Variants in OTX1 observed in about 807,000 individuals in gnomAD.
The protein encoded by OTX1 is orthodenticle homeobox 1, also known as homeobox protein OTX1.
Under a neutral mutation model 26.7 loss-of-function variants are expected in OTX1, and 7 were observed. The ratio of observed to expected loss-of-function variants is 0.26; its 90% CI spans 0.15 to 0.49. The LOEUF is 0.49. OTX1 is among the 20% of genes least tolerant of loss of function. The pLI is 0.98. For synonymous variants in OTX1, 216 were observed against 212.8 expected (o/e 1.01, Z -0.13); for missense variants, 414 against 483.8 (o/e 0.86, Z 1.35).
chr2:63,054,333 G>A (rs2062048538), intron 4 of OTX1, 135 bp downstream of exon 4: 1 of 846,528 alleles, frequency 1.2e-6, no homozygotes. Context: ...GCCGCTCTCG[G>A]ACTCCCCCTA....
Position 63,056,307 on chromosome 2 carries a change from G to T in OTX1, c.1056G>T (p.Gln352His). 6.2e-7 allele frequency: 1 copy of T among 1,610,466 alleles called. No homozygotes were observed. The highest frequency in any genetic ancestry group is 8.5e-7 in the Non-Finnish European group (1 of 1,177,436). Residue 352 changes from glutamine (Q) to histidine (H), a missense_variant, in exon 5 of 5, where the codon CAG becomes CAT. Around this residue, in one of 3 missense-constraint regions of OTX1, gnomAD observed 320 missense variants for 347.9 expected, o/e 0.92. Coordinates refer to ENST00000282549, the MANE Select transcript of OTX1 (RefSeq NM_014562.4). ...DYKDQASWRF[Q>H]VL ...AGGACCAAGCCTCATGGCGGTTCCA[G>T]GTCTTGTGAGCCCAGGAATGAAAGA...
chr2:63,056,103 C>A lies in OTX1; in HGVS notation c.852C>A (p.His284Gln). 6 of 1,614,094 alleles carry A rather than the reference C, an allele frequency of 3.7e-6. No individual in the cohort carries two copies. Among genetic ancestry groups the A allele is most frequent in the Non-Finnish European group, 5.1e-6 (6 of 1,180,026 alleles). ...ATCATCACCACCCACATGCGCACCA[C>A]CCGTTGAGCCAGTCCTCAGGCCACC... ...GHHHHHPHAH[H>Q]PLSQSSGHHH... Residue 284 changes from histidine to glutamine, a missense_variant, in exon 5 of 5, where the codon CAC (histidine) becomes CAA (glutamine). Around this residue, in one of 3 missense-constraint regions of OTX1, gnomAD observed 320 missense variants for 347.9 expected, o/e 0.92. Transcript: ENST00000282549.
chr2:63,056,085 C>T lies in OTX1; in HGVS notation c.834C>T (p.His278=), dbSNP rs765508695. 6.2e-7 allele frequency: 1 copy of T among 1,613,946 alleles called. No individual in the cohort carries two copies. The highest frequency in any genetic ancestry group is 8.5e-7 in the Non-Finnish European group (1 of 1,180,012). The part of the protein sequence containing the change: ...APSSMAGHHH[H]HPHAHHPLSQ... ...CCTCCATGGCGGGCCACCATCATCA[C>T]CACCCACATGCGCACCACCCGTTGA... is the stretch of plus-strand genomic sequence containing the variant. Residue 278 remains histidine, a synonymous_variant, in exon 5 of 5, where the codon CAC becomes CAT. Coordinates refer to ENST00000282549, the MANE Select transcript of OTX1 (RefSeq NM_014562.4).
In OTX1 at chr2:63,055,481, C is replaced by G; in HGVS notation, c.250-20C>G. ...CCCTAGCTCCCTTTGACCCACTCTC[C>G]CCCATCCGGCCCACTGCAGGTCTGG... On this transcript the variant is annotated intron_variant, in intron 4 of 4. Transcript: ENST00000282549. This position sits in a 1 kb window ranked among gnomAD's most constrained non-coding sequence, Gnocchi z 5.2. The G allele has an allele frequency of 6.2e-7, 1 of 1,604,120 alleles. No individual in the cohort carries two copies. The highest frequency in any genetic ancestry group is 8.5e-7 in the Non-Finnish European group (1 of 1,174,350).
chr2:63,056,092 C>T lies in OTX1; in HGVS notation c.841C>T (p.His281Tyr), dbSNP rs1489653532. The change falls in exon 5 of 5, where the codon CAT becomes TAT. Residue 281 changes from histidine to tyrosine, a missense_variant. Coordinates refer to ENST00000282549, the MANE Select transcript of OTX1 (RefSeq NM_014562.4). ...SMAGHHHHHP[H>Y]AHHPLSQSSG... Reference sequence around the variant, plus strand: ...GGCGGGCCACCATCATCACCACCCACATGCGCACCACCCGTTGAGCCAGTC... The same window carrying T: ...GGCGGGCCACCATCATCACCACCCATATGCGCACCACCCGTTGAGCCAGTC... 1 of 1,614,052 alleles carries T rather than the reference C, an allele frequency of 6.2e-7. No homozygotes were observed. Among genetic ancestry groups the T allele is most frequent in the Non-Finnish European group, 8.5e-7 (1 of 1,179,992 alleles).
Position 63,055,805 on chromosome 2 carries a change from G to C in OTX1, c.554G>C (p.Gly185Ala), listed in dbSNP as rs1212782022. 6.2e-7 allele frequency: 1 copy of C among 1,612,208 alleles called. No homozygotes were observed. Among genetic ancestry groups the C allele is most frequent in the Non-Finnish European group, 8.5e-7 (1 of 1,179,690 alleles). ...SIWSPASISPGSAPASVSVPE... is the reference protein window; with the variant it reads ...SIWSPASISPASAPASVSVPE... ...TGGAGCCCGGCCTCCATCTCGCCAG[G>C]CTCAGCGCCCGCGTCCGTGTCGGTG... The change falls in exon 5 of 5, where the codon GGC becomes GCC. Residue 185 changes from glycine (G) to alanine (A), a missense_variant. Physicochemically the swap from Gly to Ala is moderately conservative, Grantham distance 60 (BLOSUM62 0). Transcript: ENST00000282549. The surrounding 1 kb of genome is among the most constrained non-coding windows in gnomAD (Gnocchi z 5.2).
Position 63,056,255 on chromosome 2 carries a change from T to G in OTX1, c.1004T>G (p.Phe335Cys), listed in dbSNP as rs1436545946. 1.2e-6 allele frequency: 2 copies of G among 1,613,982 alleles called. No individual in the cohort carries two copies. Among genetic ancestry groups the G allele is most frequent in the East Asian group, 4.5e-5 (2 of 44,852 alleles). ...AAASSAWKLN[F>C]NSPDCLDYKD... ...GCTTCCTCCGCCTGGAAACTCAACT[T>G]CAACTCCCCCGACTGTCTGGACTAT... is the stretch of plus-strand genomic sequence containing the variant. The change falls in exon 5 of 5, where the codon TTC (phenylalanine) becomes TGC (cysteine). Residue 335 changes from phenylalanine (F) to cysteine (C), a missense_variant. Around this residue, in one of 3 missense-constraint regions of OTX1, gnomAD observed 320 missense variants for 347.9 expected, o/e 0.92. Coordinates refer to ENST00000282549, the MANE Select transcript of OTX1 (RefSeq NM_014562.4).
Position 63,055,567 on chromosome 2 carries a change from C to A in OTX1, c.316C>A (p.Arg106Ser). The A allele has an allele frequency of 1.9e-6, 3 of 1,614,144 alleles. No individual in the cohort carries two copies. The highest frequency in any genetic ancestry group is 2.5e-6 in the Non-Finnish European group (3 of 1,180,034). Reference sequence around the variant, plus strand: ...GCAGAGCGGGAGCGGAACCAAGAGCCGCCCAGCCAAGAAGAAGTCCTCTCC... The same window carrying A: ...GCAGAGCGGGAGCGGAACCAAGAGCAGCCCAGCCAAGAAGAAGTCCTCTCC... ...QQQSGSGTKS[R>S]PAKKKSSPVR... Residue 106 changes from arginine to serine, a missense_variant, in exon 5 of 5, where the codon CGC becomes AGC. By Grantham distance (110) the Arg-to-Ser change is moderately radical. This residue lies in a region of OTX1 where 320 missense variants were observed against 347.9 expected (regional missense o/e 0.92). Transcript: ENST00000282549. The surrounding 1 kb of genome is among the most constrained non-coding windows in gnomAD (Gnocchi z 5.2).
At position 63,055,680 on chromosome 2, in the gene OTX1, C is replaced by T. The variant is rs1166140624; in HGVS notation, c.429C>T (p.Ser143=). The T allele has an allele frequency of 1.9e-6, 3 of 1,613,924 alleles. No homozygotes were observed. In the South Asian group the frequency reaches 3.3e-5, roughly 18 times the overall value. ...SSSASSSSSA[S]SSSANPAAAA... The stretch of plus-strand genomic sequence containing the variant: ...CTGCCTCGTCCTCTAGCTCGGCGTC[C>T]AGCTCTTCCGCCAACCCAGCGGCTG... Residue 143 remains serine, a synonymous_variant, in exon 5 of 5, where the codon TCC becomes TCT. Coordinates refer to ENST00000282549, the MANE Select transcript of OTX1 (RefSeq NM_014562.4). This position sits in a 1 kb window ranked among gnomAD's most constrained non-coding sequence, Gnocchi z 5.2.
upstream of OTX1, chr2:63,050,668 TG>T (rs1196237810): frequency 5.1e-5 from 1 of 19,712 alleles, no homozygotes; most frequent in African/African-American, 1.9e-4. Flanking sequence ...GGGCGGGGTG[TG>T]GGGGGCGGGG....
rs767574228 is a variant in OTX1, at chr2:63,055,891, G to T, written c.640G>T (p.Ala214Ser). 3 of 1,611,746 alleles carry T rather than the reference G, an allele frequency of 1.9e-6. No homozygotes were observed. The highest frequency in any genetic ancestry group is 1.7e-6 in the Non-Finnish European group (2 of 1,179,886). Residue 214 changes from alanine to serine, a missense_variant, in exon 5 of 5, where the codon GCC (alanine) becomes TCC (serine). Physicochemically the swap from Ala to Ser is moderately conservative, Grantham distance 99 (BLOSUM62 1). Coordinates refer to ENST00000282549, the MANE Select transcript of OTX1 (RefSeq NM_014562.4). This position sits in a 1 kb window ranked among gnomAD's most constrained non-coding sequence, Gnocchi z 5.2. Reference sequence around the variant, plus strand: ...TATGCAGCGCTCCGTAGCTGCAGGCGCCGCCACCGCAGCAGCCTCTTATCC... The same window carrying T: ...TATGCAGCGCTCCGTAGCTGCAGGCTCCGCCACCGCAGCAGCCTCTTATCC... ...SCMQRSVAAG[A>S]ATAAASYPMS...
rs2062075382 is a variant in OTX1 at position 63,057,249 on chromosome 2, A to C, written c.*933A>C. On this transcript the variant is annotated 3_prime_UTR_variant, in exon 5 of 5. Transcript: ENST00000282549. Reference sequence around the variant, plus strand: ...CAATCAATGGCGCTTTTTCTTTTTCAGTTGTTGCAAAGCTGCCCTGCCCTC... The same window carrying C: ...CAATCAATGGCGCTTTTTCTTTTTCCGTTGTTGCAAAGCTGCCCTGCCCTC... 1 of 151,750 alleles carries C rather than the reference A, an allele frequency of 6.6e-6. No homozygotes were observed. The highest frequency in any genetic ancestry group is 2.4e-5 in the African/African-American group (1 of 41,242). The allele number at this position is 151,750 out of a possible 1,614,324, so 9.4% of individuals were successfully genotyped here.
At position 63,055,985 on chromosome 2, in the gene OTX1, G is replaced by T; in HGVS notation, c.734G>T (p.Gly245Val). ...YPTPSSSYFG[G>V]VDCSSYLAPM... ...ACGCCCTCCTCTTCCTACTTTGGCGGCGTGGACTGCAGCTCATACCTAGCG... is the reference window on the plus strand; with the variant it reads ...ACGCCCTCCTCTTCCTACTTTGGCGTCGTGGACTGCAGCTCATACCTAGCG... Residue 245 changes from glycine (G) to valine (V), a missense_variant, in exon 5 of 5, where the codon GGC (glycine) becomes GTC (valine). Physicochemically the swap from Gly to Val is moderately radical, Grantham distance 109. Around this residue, in one of 3 missense-constraint regions of OTX1, gnomAD observed 320 missense variants for 347.9 expected, o/e 0.92. Coordinates refer to ENST00000282549, the MANE Select transcript of OTX1 (RefSeq NM_014562.4). The surrounding 1 kb of genome is among the most constrained non-coding windows in gnomAD (Gnocchi z 5.2). 6.2e-7 allele frequency: 1 copy of T among 1,613,816 alleles called. No homozygotes were observed. Among genetic ancestry groups the T allele is most frequent in the Non-Finnish European group, 8.5e-7 (1 of 1,180,042 alleles).
At position 63,054,108 on chromosome 2, in the gene OTX1, C is replaced by G. The variant is rs997215139; in HGVS notation, c.159C>G (p.Leu53=). ...TCACGCGTTCACAGCTGGACGTGCTCGAGGCGCTCTTCGCCAAGACTCGCT... is the reference window on the plus strand; with the variant it reads ...TCACGCGTTCACAGCTGGACGTGCTGGAGGCGCTCTTCGCCAAGACTCGCT... The part of the protein sequence containing the change: ...TTFTRSQLDV[L]EALFAKTRYP... Residue 53 remains leucine, a synonymous_variant, in exon 4 of 5, where the codon CTC becomes CTG. Transcript: ENST00000282549. 1.2e-6 allele frequency: 2 copies of G among 1,612,186 alleles called. No individual in the cohort carries two copies. Among genetic ancestry groups the G allele is most frequent in the Non-Finnish European group, 1.7e-6 (2 of 1,179,256 alleles).
chr2:63,050,430 G>A (rs2062016463), upstream of OTX1, among the ~76,000 whole-genome samples: 1 of 152,180 alleles, frequency 6.6e-6, no homozygotes, highest in East Asian at 1.9e-4. Flanking sequence ...GCGCGCGGGA[G>A]AGCGAAGGAA....
chr2:63,052,288 C>G (rs2062032017), intron 2 of OTX1: 1 of 152,738 alleles, frequency 6.5e-6, no homozygotes, highest in Admixed American at 6.5e-5. Context: ...TGGGATTTCG[C>G]GTCAGCGATC....
intron 2 of OTX1, chr2:63,051,661 G>A (rs974172396): frequency 3.9e-5 from 6 of 152,618 alleles, no homozygotes; most frequent in Admixed American, 3.3e-4. Context: ...CCTACAAGCT[G>A]GACTCCCTCA....
rs761081890 is a variant in OTX1, at chr2:63,056,194, G to A, written c.943G>A (p.Asp315Asn). The change falls in exon 5 of 5, where the codon GAC becomes AAC. Residue 315 changes from aspartate to asparagine, a missense_variant. Physicochemically the swap from Asp to Asn is conservative, Grantham distance 23. Around this residue, in one of 3 missense-constraint regions of OTX1, gnomAD observed 320 missense variants for 347.9 expected, o/e 0.92. Transcript: ENST00000282549. ...GGSGLAFNSA[D>N]CLDYKEPGAA... ...CTCTGGGCTTGCCTTCAACTCTGCCGACTGCTTGGATTACAAGGAGCCTGG... is the reference window on the plus strand; with the variant it reads ...CTCTGGGCTTGCCTTCAACTCTGCCAACTGCTTGGATTACAAGGAGCCTGG... The A allele has an allele frequency of 3.3e-5, 54 of 1,613,852 alleles. No individual in the cohort carries two copies. Among genetic ancestry groups the A allele is most frequent in the Non-Finnish European group, 4.2e-5 (50 of 1,180,002 alleles).
intron 2 of OTX1, chr2:63,051,766 T>C (rs2062028717): frequency 6.6e-6 from 1 of 152,666 alleles, no homozygotes; most frequent in Non-Finnish European, 1.5e-5. Flanking sequence ...CTAGCCCGAG[T>C]CCCTGGCTTG....
Sources: allele counts gnomAD v4.1 joint callset (sites outside exome capture counted in the v4.1 genomes callset), GRCh38; gene constraint gnomAD v4.1.1; regional missense constraint gnomAD v4.1.1; non-coding constraint Gnocchi (gnomAD v3.1); transcripts MANE v1.5; gene names NCBI Gene and HGNC (gene_info 2026-07-23, HGNC 2026-07-21).